Variants in UBR3 observed in about 807,000 individuals in gnomAD.
UBR3 encodes the protein ubiquitin protein ligase E3 component n-recognin 3.
A neutral mutation model predicts 243.2 loss-of-function variants in UBR3; 85 were observed. The observed-to-expected ratio is 0.35, with a 90% CI of 0.29 to 0.42. UBR3 has a LOEUF of 0.42. Ranked by LOEUF, UBR3 falls within the 10% of genes least tolerant of loss-of-function variation. UBR3 has a pLI of 1.00. For missense variants in UBR3, 1,686 were observed against 2,300.8 expected (o/e 0.73, Z 5.47); for synonymous variants, 748 against 799.8 (o/e 0.94, Z 1.09).
Position 169,828,352 on chromosome 2 carries a change from G to A in UBR3, c.545+300G>A, listed in dbSNP as rs79674199. Among the ~76,000 whole-genome samples the A allele has an allele frequency of 4.6e-3, 705 of 152,238 alleles. 7 individuals are homozygous for A. Among genetic ancestry groups the A allele is most frequent in the African/African-American group, 0.016 (660 of 41,532 alleles). On this transcript the variant is annotated intron_variant, in intron 1 of 38. Transcript: ENST00000272793. ...TGTATGGGGTAGGAGGGGAGTGAGG[G>A]GAAATGATTTTTGGGGAAGCTCGTG...
intron 24 of UBR3, among the ~76,000 whole-genome samples, chr2:169,974,762 A>T (rs963437670): frequency 2.0e-5 from 3 of 151,712 alleles, no homozygotes; most frequent in Non-Finnish European, 4.4e-5. Context: ...GTTTATTTGA[A>T]ATCTTTCTAC....
intron 23 of UBR3, among the ~76,000 whole-genome samples, chr2:169,952,397 A>G (rs1271656547): frequency 6.6e-6 from 1 of 152,186 alleles, no homozygotes; most frequent in Non-Finnish European, 1.5e-5. Flanking sequence ...CTGTATAAGG[A>G]GCAATTTTAG....
intron 19 of UBR3, among the ~76,000 whole-genome samples, chr2:169,936,621 A>G (rs1293900338): frequency 6.6e-6 from 1 of 151,974 alleles, no homozygotes; most frequent in Non-Finnish European, 1.5e-5. Context: ...TGCTGCACCC[A>G]TTAACTCGTC....
intron 36 of UBR3, 88 bp downstream of exon 36, chr2:170,073,695 C>T: frequency 7.5e-7 from 1 of 1,333,578 alleles, no homozygotes; most frequent in South Asian, 1.5e-5. Context: ...TTTAGGTCAT[C>T]TGTTTTTGAC....
chr2:170,003,583 G>A (rs952070444), intron 27 of UBR3, among the ~76,000 whole-genome samples: 1 of 152,000 alleles, frequency 6.6e-6, no homozygotes, highest in Admixed American at 6.6e-5. Flanking sequence ...TATGTATTAC[G>A]TAAGAGAGAC....
intron 1 of UBR3, among the ~76,000 whole-genome samples, chr2:169,836,320 G>A (rs1053433641): frequency 6.6e-6 from 1 of 151,034 alleles, no homozygotes; most frequent in South Asian, 2.1e-4. Flanking sequence ...CCTGACCTCC[G>A]GTGATCTTCC....
intron 28 of UBR3, among the ~76,000 whole-genome samples, chr2:170,008,226 A>G (rs377411976): frequency 6.6e-6 from 1 of 152,204 alleles, no homozygotes; most frequent in Non-Finnish European, 1.5e-5. Context: ...GGTCTCTGAG[A>G]GAAGTGACAG....
At chr2:169,983,700 A>G (rs995636378) in intron 24 of UBR3, among the ~76,000 whole-genome samples, 134 of 152,304 alleles carry the variant, frequency 8.8e-4, no homozygotes, top group African/African-American at 2.9e-3. Flanking sequence ...AATTGGGGCC[A>G]TCTTGCGGTC....
chr2:169,926,894 A>T lies in UBR3; in HGVS notation c.2261A>T (p.Asp754Val), dbSNP rs1275260654. 1 of 1,551,238 alleles carries T rather than the reference A, an allele frequency of 6.4e-7. No individual in the cohort carries two copies. Among genetic ancestry groups the T allele is most frequent in the South Asian group, 1.2e-5 (1 of 83,982 alleles). Reference sequence around the variant, plus strand: ...TCACAACATCAAAATACAGTACTTGATGCAGAGCATGAGAGGTCGATGTTA... The same window carrying T: ...TCACAACATCAAAATACAGTACTTGTTGCAGAGCATGAGAGGTCGATGTTA... ...MASQHQNTVL[D>V]AEHERSMLEG... The change falls in exon 16 of 39, where the codon GAT (aspartate) becomes GTT (valine). Residue 754 changes from aspartate to valine, a missense_variant. By Grantham distance (152) the Asp-to-Val change is radical. Transcript: ENST00000272793.
rs956784986 is a variant in UBR3, at chr2:169,855,922, A to G, written c.546-16314A>G. On this transcript the variant is annotated intron_variant, in intron 1 of 38. Transcript: ENST00000272793. ...GGGCTCCTCACTTCCCAGACGGGGC[A>G]GCCAGGCAGAGGCGCCCCCCACCTC... 9.6e-4 allele frequency among the ~76,000 whole-genome samples: 133 copies of G among 138,830 alleles called. 1 individual carries two copies. The highest frequency in any genetic ancestry group is 5.2e-4 in the Non-Finnish European group (33 of 63,664). The allele number at this position is 138,830 out of a possible 152,430, so 91.1% of individuals were successfully genotyped here. A position where few individuals can be genotyped will look rare whatever the true frequency, so the allele number is the denominator to read the frequency against.
intron 26 of UBR3, among the ~76,000 whole-genome samples, chr2:169,996,438 A>C (rs57878503): frequency 1.3e-5 from 2 of 152,178 alleles, no homozygotes; most frequent in Non-Finnish European, 2.9e-5. Context: ...GTCACTCTGC[A>C]TATAATACAG....
At chr2:170,064,249 G>A (rs1483742069) in intron 35 of UBR3, among the ~76,000 whole-genome samples, 1 of 151,878 alleles carries the variant, frequency 6.6e-6, no homozygotes, top group East Asian at 1.9e-4. Context: ...CACTGGCTTT[G>A]TTTAGCCATA....
chr2:169,827,516 G>A lies in UBR3; in HGVS notation c.9G>A (p.Ala3=). 1 of 1,224,752 alleles carries A rather than the reference G, an allele frequency of 8.2e-7. No individual in the cohort carries two copies. Among genetic ancestry groups the A allele is most frequent in the Non-Finnish European group, 1.0e-6 (1 of 982,912 alleles). The allele number at this position is 1,224,752 out of a possible 1,614,324, so 75.9% of individuals were successfully genotyped here. A position where few individuals can be genotyped will look rare whatever the true frequency, so the allele number is the denominator to read the frequency against. ...AATTCTGAGCTCTCATCATGGCGGCGGCGGCCGCGGCGGCCGTCGGGGGCC... is the reference window on the plus strand; with the variant it reads ...AATTCTGAGCTCTCATCATGGCGGCAGCGGCCGCGGCGGCCGTCGGGGGCC... MA[A]AAAAAVGGQQ... is the part of the protein sequence containing the mutation. The change falls in exon 1 of 39, where the codon GCG becomes GCA. Residue 3 remains alanine (A), a synonymous_variant. Coordinates refer to ENST00000272793, the MANE Select transcript of UBR3 (RefSeq NM_172070.4).
At chr2:170,020,836 A>G (rs925688531) in intron 30 of UBR3, among the ~76,000 whole-genome samples, 1 of 152,174 alleles carries the variant, frequency 6.6e-6, no homozygotes, top group Non-Finnish European at 1.5e-5. Flanking sequence ...TAAATAGTGC[A>G]TAAATAAAAA....
At chr2:169,887,782 T>G (rs925770767) in intron 5 of UBR3, among the ~76,000 whole-genome samples, 1 of 148,470 alleles carries the variant, frequency 6.7e-6, no homozygotes, top group Non-Finnish European at 1.5e-5. Context: ...TTTCTTTCTT[T>G]CTTTTTTTTT....
At chr2:170,061,509 C>G in intron 35 of UBR3, 66 bp downstream of exon 35, 1 of 1,579,516 alleles carries the variant, frequency 6.3e-7, no homozygotes, top group Admixed American at 1.8e-5. Context: ...TCTCTGTTGC[C>G]CAGACTGGAG....
At chr2:169,864,020 G>T (rs2083173387) in intron 1 of UBR3, among the ~76,000 whole-genome samples, 2 of 151,960 alleles carry the variant, frequency 1.3e-5, no homozygotes, top group African/African-American at 2.4e-5. Flanking sequence ...TACTTTTTAT[G>T]TATGGTGCTG....
At chr2:170,042,605 C>T (rs973013391) in intron 32 of UBR3, among the ~76,000 whole-genome samples, 3 of 143,600 alleles carry the variant, frequency 2.1e-5, no homozygotes, top group Non-Finnish European at 4.5e-5. Flanking sequence ...ATGAGAACCA[C>T]TTGAGCCCAG....
At chr2:169,910,993 T>A (rs2085232153) in intron 10 of UBR3, among the ~76,000 whole-genome samples, 1 of 152,178 alleles carries the variant, frequency 6.6e-6, no homozygotes. Context: ...TTAAATTTTC[T>A]ACTGTAAAAT....
Sources: gnomAD v4.1 joint callset for allele counts (sites outside exome capture counted in the v4.1 genomes callset) on GRCh38, gnomAD v4.1.1 for gene constraint, MANE v1.5 for transcripts, NCBI Gene and HGNC (gene_info 2026-07-23, HGNC 2026-07-21) for gene names.